Variants in NBEA observed in about 807,000 individuals in gnomAD.
NBEA encodes the protein lysosomal-trafficking regulator 2.
Under a neutral mutation model 343.4 loss-of-function variants are expected in NBEA, and 44 were observed. The observed-to-expected ratio is 0.13, with a 90% CI of 0.10 to 0.16. NBEA has a LOEUF of 0.16. NBEA is among the 10% of genes least tolerant of loss of function. NBEA has a pLI of 1.00. For missense variants in NBEA, 2,555 were observed against 3,631.3 expected (o/e 0.70, Z 7.62); for synonymous variants, 1,175 against 1,238.7 (o/e 0.95, Z 1.08).
At position 35,396,326 on chromosome 13, in the gene NBEA, A is replaced by G. The variant is rs1299599639; in HGVS notation, c.6180-35943A>G. 4.0e-5 allele frequency among the ~76,000 whole-genome samples: 6 copies of G among 150,644 alleles called. No individual in the cohort carries two copies. The South Asian group carries it at 1.3e-3, about 32-fold the overall frequency. ...AATATTTATTTGTTTCTGTGTGTCT[A>G]CTCTGTTTATTTCTGCTTTGTGCTC... is the stretch of plus-strand genomic sequence containing the variant. On this transcript the variant is annotated intron_variant, in intron 38 of 58. Transcript: ENST00000379939.
At chr13:35,023,023 G>A (rs1028709481) in intron 1 of NBEA, among the ~76,000 whole-genome samples, 1 of 151,842 alleles carries the variant, frequency 6.6e-6, no homozygotes, top group African/African-American at 2.4e-5. Flanking sequence ...AATTTGAATT[G>A]GCTTACAGTG....
chr13:35,425,204 G>A (rs950382745), intron 38 of NBEA, among the ~76,000 whole-genome samples: 2 of 151,988 alleles, frequency 1.3e-5, no homozygotes, highest in African/African-American at 4.8e-5. Flanking sequence ...GAATGTGTTT[G>A]CTCTTGCTTC....
chr13:35,003,766 C>CT (rs908546579), intron 1 of NBEA, among the ~76,000 whole-genome samples: 1 of 151,988 alleles, frequency 6.6e-6, no homozygotes, highest in African/African-American at 2.4e-5. Flanking sequence ...GCTTTGTCGT[C>CT]TTTTTTTAAG....
intron 36 of NBEA, among the ~76,000 whole-genome samples, chr13:35,336,177 A>T (rs1455102885): frequency 6.6e-6 from 1 of 152,158 alleles, no homozygotes; most frequent in African/African-American, 2.4e-5. Context: ...AAAATCACTC[A>T]TCAGATAATG....
chr13:35,166,777 G>A (rs2070070347), intron 24 of NBEA, among the ~76,000 whole-genome samples: 1 of 152,016 alleles, frequency 6.6e-6, no homozygotes, highest in African/African-American at 2.4e-5. Context: ...TTGTAACATA[G>A]CAGAGGGAAA....
intron 48 of NBEA, among the ~76,000 whole-genome samples, chr13:35,609,079 C>T (rs1027718616): frequency 2.0e-5 from 3 of 152,146 alleles, no homozygotes; most frequent in African/African-American, 7.2e-5. Flanking sequence ...ATGGTTAATG[C>T]AGATCATTCA....
intron 16 of NBEA, among the ~76,000 whole-genome samples, 193 bp from the exon 17 acceptor site, chr13:35,123,289 A>G (rs1216016581): frequency 1.3e-5 from 2 of 152,196 alleles, no homozygotes; most frequent in Non-Finnish European, 2.9e-5. Flanking sequence ...TTTTGAGTGT[A>G]TGGCTGAAGG....
At chr13:35,565,515 A>G (rs2080093760) in intron 44 of NBEA, among the ~76,000 whole-genome samples, 1 of 152,198 alleles carries the variant, frequency 6.6e-6, no homozygotes, top group African/African-American at 2.4e-5. Context: ...GTGTGCAACC[A>G]TGGCATACTG....
chr13:35,228,439 G>C (rs541188270), intron 33 of NBEA, among the ~76,000 whole-genome samples: 1 of 150,678 alleles, frequency 6.6e-6, no homozygotes, highest in African/African-American at 2.4e-5. Context: ...TGGATATATT[G>C]CGTAGTTGTG....
intron 40 of NBEA, among the ~76,000 whole-genome samples, chr13:35,463,627 A>T (rs2152953626): frequency 6.6e-6 from 1 of 152,272 alleles, no homozygotes; most frequent in African/African-American, 2.4e-5. Flanking sequence ...CGCAAAAAAA[A>T]ACAAACCAGA....
At chr13:35,198,335 A>G (rs2072772549) in intron 31 of NBEA, among the ~76,000 whole-genome samples, 1 of 152,166 alleles carries the variant, frequency 6.6e-6, no homozygotes, top group Non-Finnish European at 1.5e-5. Flanking sequence ...ATTTTAAATT[A>G]TATCTTTAAA....
chr13:35,199,992 A>G (rs1292052936), intron 31 of NBEA, among the ~76,000 whole-genome samples: 1 of 152,092 alleles, frequency 6.6e-6, no homozygotes, highest in Non-Finnish European at 1.5e-5. Context: ...GAGATCCTCT[A>G]GTACTGTTCT....
chr13:35,183,184 A>G (rs557705459), intron 29 of NBEA, among the ~76,000 whole-genome samples: 1 of 152,112 alleles, frequency 6.6e-6, no homozygotes, highest in East Asian at 1.9e-4. Context: ...TGAACAGCAT[A>G]AACACAGTTT....
chr13:34,963,411 G>C (rs549663189), intron 1 of NBEA, among the ~76,000 whole-genome samples: 44 of 151,952 alleles, frequency 2.9e-4, no homozygotes, highest in Middle Eastern at 6.8e-3. Flanking sequence ...CTCTTTAAAG[G>C]TTCTATCTCC....
chr13:35,017,572 G>A (rs1458160701), intron 1 of NBEA, among the ~76,000 whole-genome samples: 1 of 152,070 alleles, frequency 6.6e-6, no homozygotes, highest in Non-Finnish European at 1.5e-5. Context: ...ATGATATTAA[G>A]TATTTTTCCA....
intron 34 of NBEA, among the ~76,000 whole-genome samples, chr13:35,243,130 A>G (rs1435086920): frequency 2.6e-5 from 4 of 152,030 alleles, no homozygotes; most frequent in African/African-American, 4.8e-5. Context: ...CATAAGTAAC[A>G]TAACTTGTGC....
At chr13:35,621,772 A>G (rs193039392) in intron 48 of NBEA, among the ~76,000 whole-genome samples, 1 of 152,244 alleles carries the variant, frequency 6.6e-6, no homozygotes, top group East Asian at 1.9e-4. Context: ...TAATTAATAA[A>G]CCTATAAATA....
In NBEA at chr13:35,159,446, T is replaced by A. The variant is rs187172790; in HGVS notation, c.3275T>A (p.Val1092Asp). 1 of 1,613,208 alleles carries A rather than the reference T, an allele frequency of 6.2e-7. No individual in the cohort carries two copies. Among genetic ancestry groups the A allele is most frequent in the East Asian group, 2.2e-5 (1 of 44,788 alleles). The change falls in exon 22 of 59, where the codon GTT (valine) becomes GAT (aspartate). Residue 1092 changes from valine to aspartate, a missense_variant. Physicochemically the swap from Val to Asp is radical, Grantham distance 152. Transcript: ENST00000379939. Reference protein sequence around the residue: ...VGGENGALVEVESLLDNVYSA... With the variant: ...VGGENGALVEDESLLDNVYSA... ...GGAGAGAATGGTGCCCTTGTGGAGG[T>A]TGAATCTCTGTTGGATAATGTATAT...
At chr13:35,146,131 C>T (rs937436352) in intron 18 of NBEA, among the ~76,000 whole-genome samples, 4 of 151,970 alleles carry the variant, frequency 2.6e-5, no homozygotes, top group Admixed American at 2.0e-4. Context: ...ATACTGGTAT[C>T]GAAAAAACAA....
Sources: gnomAD v4.1 joint callset for allele counts (sites outside exome capture counted in the v4.1 genomes callset) on GRCh38, gnomAD v4.1.1 for gene constraint, MANE v1.5 for transcripts, NCBI Gene and HGNC (gene_info 2026-07-23, HGNC 2026-07-21) for gene names.